BRD10: variants seen among roughly 807,000 people sequenced by gnomAD.
BRD10 encodes the protein bromodomain containing 10, also known as uncharacterized bromodomain-containing protein 10.
the BRD10 span, among the ~76,000 whole-genome samples, chr9:5,994,939 G>A: frequency 1.6e-5 from 2 of 127,990 alleles, no homozygotes; most frequent in African/African-American, 6.1e-5. Context: ...CGCTCTTGTT[G>A]CCCAGGCTGG....
chr9:5,939,498 C>A, the BRD10 span, among the ~76,000 whole-genome samples: 1 of 152,106 alleles, frequency 6.6e-6, no homozygotes, highest in African/African-American at 2.4e-5. Flanking sequence ...GATGGAATCA[C>A]GAAAGGTAAA....
At chr9:5,969,167 C>T in the BRD10 span, 1 of 1,613,832 alleles carries the variant, frequency 6.2e-7, no homozygotes, top group Non-Finnish European at 8.5e-7. Flanking sequence ...TAAGGTAGGT[C>T]TGCGATGGGG....
chr9:5,953,368 T>C, the BRD10 span, among the ~76,000 whole-genome samples: 56 of 152,206 alleles, frequency 3.7e-4, 1 homozygote, highest in East Asian at 0.01. Flanking sequence ...ATAAAAGCAT[T>C]AATTAGGGTG....
At chr9:5,939,572 T>C in the BRD10 span, among the ~76,000 whole-genome samples, 8 of 152,348 alleles carry the variant, frequency 5.3e-5, no homozygotes, top group African/African-American at 1.2e-4. Flanking sequence ...TATTATGTAA[T>C]AGAATTCTCT....
chr9:6,002,423 T>C, the BRD10 span, among the ~76,000 whole-genome samples: 4 of 152,124 alleles, frequency 2.6e-5, no homozygotes, highest in East Asian at 5.8e-4. Flanking sequence ...AGATCCCCAA[T>C]TTGTAAAGAT....
the BRD10 span, among the ~76,000 whole-genome samples, chr9:5,949,928 G>T: frequency 6.6e-6 from 1 of 152,036 alleles, no homozygotes; most frequent in African/African-American, 2.4e-5. Context: ...AAAGGAAAAA[G>T]AATTTTACCA....
chr9:5,951,956 T>C, the BRD10 span, among the ~76,000 whole-genome samples: 1 of 152,064 alleles, frequency 6.6e-6, no homozygotes, highest in African/African-American at 2.4e-5. Flanking sequence ...TTCTTCCCTC[T>C]CTGTTTTCTC....
At chr9:5,935,272 ATATCCAACAT>A in the BRD10 span, among the ~76,000 whole-genome samples, 1 of 152,222 alleles carries the variant, frequency 6.6e-6, no homozygotes, top group Non-Finnish European at 1.5e-5. Context: ...ATTGAATAGT[ATATCCAACAT>A]TTCCATTATA....
At chr9:5,958,720 T>C in the BRD10 span, among the ~76,000 whole-genome samples, 7 of 152,338 alleles carry the variant, frequency 4.6e-5, no homozygotes, top group Admixed American at 4.6e-4. Flanking sequence ...CCCAACACAT[T>C]CACTCCTCCC....
the BRD10 span, chr9:5,922,451 G>C: frequency 7.4e-6 from 12 of 1,613,880 alleles, no homozygotes; most frequent in African/African-American, 1.3e-5. Flanking sequence ...CTGTGGTCTA[G>C]CACTACTTAT....
the BRD10 span, among the ~76,000 whole-genome samples, chr9:5,884,858 T>C: frequency 1.3e-5 from 2 of 152,230 alleles, no homozygotes; most frequent in Non-Finnish European, 2.9e-5. Flanking sequence ...TCTGCTCACC[T>C]GCGAGACTTG....
At chr9:5,964,913 G>C in the BRD10 span, among the ~76,000 whole-genome samples, 2 of 120,956 alleles carry the variant, frequency 1.7e-5, no homozygotes, top group African/African-American at 6.2e-5. Flanking sequence ...TGGTGGGGTG[G>C]GGGGAGGGGG....
At chr9:5,923,739 G>T in the BRD10 span, among the ~76,000 whole-genome samples, 1 of 152,130 alleles carries the variant, frequency 6.6e-6, no homozygotes, top group Non-Finnish European at 1.5e-5. Context: ...TATTTCTAGA[G>T]ACTCTAAAGG....
chr9:5,929,124 T>C, the BRD10 span: 1 of 1,605,606 alleles, frequency 6.2e-7, no homozygotes, highest in Non-Finnish European at 8.5e-7. Context: ...TACTATGTAA[T>C]TCTTTTACAG....
the BRD10 span, among the ~76,000 whole-genome samples, chr9:5,902,254 T>C: frequency 1.3e-5 from 2 of 152,236 alleles, no homozygotes; most frequent in Non-Finnish European, 2.9e-5. Flanking sequence ...TTTCAAAGAA[T>C]TGTTACATTC....
chr9:5,898,578 T>A, the BRD10 span, among the ~76,000 whole-genome samples: 1 of 152,162 alleles, frequency 6.6e-6, no homozygotes, highest in East Asian at 1.9e-4. Context: ...CTTGGGTACC[T>A]GGATGTTGTG....
the BRD10 span, among the ~76,000 whole-genome samples, chr9:5,893,058 G>C: frequency 6.6e-6 from 1 of 152,136 alleles, no homozygotes; most frequent in South Asian, 2.1e-4. Context: ...AAGACATTGG[G>C]TTTTATGAGT....
the BRD10 span, among the ~76,000 whole-genome samples, chr9:5,958,875 TA>T: frequency 6.6e-6 from 1 of 152,220 alleles, no homozygotes; most frequent in Non-Finnish European, 1.5e-5. Context: ...AACTAGAGCC[TA>T]AACTTGTCTT....
the BRD10 span, chr9:6,008,125 G>C: frequency 3.0e-6 from 3 of 984,098 alleles, no homozygotes; most frequent in African/African-American, 1.8e-5. Flanking sequence ...GGCCCTGCCG[G>C]GTCGCCGCGG....
Sources: allele counts gnomAD v4.1 joint callset (sites outside exome capture counted in the v4.1 genomes callset), GRCh38; gene constraint gnomAD v4.1.1; transcripts MANE v1.5; gene names NCBI Gene and HGNC (gene_info 2026-07-23, HGNC 2026-07-21).